The following C6orf52 variants were observed in gnomAD, a reference collection of about 807,000 sequenced individuals.
C6orf52 encodes putative uncharacterized protein C6orf52.
In C6orf52, 16 loss-of-function variants were observed where a neutral mutation model predicts 16.6. The observed-to-expected ratio is 0.96, with a 90% CI of 0.65 to 1.46. The LOEUF is 1.46. C6orf52 is among the 40% of genes most tolerant of loss of function. The pLI is 0.00. For synonymous variants in C6orf52, 53 were observed against 61.4 expected (o/e 0.86, Z 0.64); for missense variants, 166 against 182.3 (o/e 0.91, Z 0.52).
chr6:10,678,183 TAA>T (rs377733205), intron 4 of C6orf52, among the ~76,000 whole-genome samples: 12 of 101,598 alleles, frequency 1.2e-4, no homozygotes, highest in Middle Eastern at 5.3e-3. Context: ...GAGACTGTCT[TAA>T]AAAAAAAAAA....
rs957227456 is a variant in C6orf52, at chr6:10,682,700, A to T, written c.316+487T>A. On this transcript the variant is annotated intron_variant, in intron 4 of 4. Coordinates refer to ENST00000259983, the MANE Select transcript of C6orf52 (RefSeq NM_001145020.3). ...CATTTTTTCCCCTTCCTCAAATAAG[A>T]CACATTCAGAGTGTTTGTCTCTAGG... Among the ~76,000 whole-genome samples the T allele has an allele frequency of 5.3e-5, 8 of 152,196 alleles. No individual in the cohort carries two copies. In the South Asian group the frequency reaches 1.7e-3, roughly 31 times the overall value.
At chr6:10,692,773 C>G (rs1769455181) in intron 1 of C6orf52, among the ~76,000 whole-genome samples, 1 of 152,066 alleles carries the variant, frequency 6.6e-6, no homozygotes, top group African/African-American at 2.4e-5. Flanking sequence ...ATCCGCCTGC[C>G]TAGGCCTCGC....
chr6:10,677,522 G>A (rs1433300071), intron 4 of C6orf52, among the ~76,000 whole-genome samples: 3 of 149,796 alleles, frequency 2.0e-5, no homozygotes, highest in African/African-American at 7.4e-5. Context: ...ACAAATTATA[G>A]TATCATTTTT....
chr6:10,674,770 G>A (rs1323968289), intron 4 of C6orf52: 1 of 149,232 alleles, frequency 6.7e-6, no homozygotes, highest in Non-Finnish European at 1.5e-5. Context: ...GAATTAGCCT[G>A]TATTTCTTCA....
At chr6:10,691,986 C>G (rs1257208932) in intron 1 of C6orf52, among the ~76,000 whole-genome samples, 1 of 152,112 alleles carries the variant, frequency 6.6e-6, no homozygotes, top group Non-Finnish European at 1.5e-5. Flanking sequence ...GTAACAGATT[C>G]TAAATAATCA....
At chr6:10,687,705 A>T in intron 1 of C6orf52, 144 bp from the exon 2 acceptor site, 1 of 644,944 alleles carries the variant, frequency 1.6e-6, no homozygotes, top group East Asian at 2.8e-5. Context: ...CTAGGCAATT[A>T]ATTGCTTGAC....
chr6:10,681,296 T>C (rs375357290), intron 4 of C6orf52, among the ~76,000 whole-genome samples: 3 of 152,348 alleles, frequency 2.0e-5, no homozygotes, highest in South Asian at 4.1e-4. Flanking sequence ...ATTTCTGTGA[T>C]ATCAGTTGTA....
chr6:10,672,078 G>A (rs1156853882), intron 4 of C6orf52, among the ~76,000 whole-genome samples: 2 of 152,194 alleles, frequency 1.3e-5, no homozygotes, highest in Non-Finnish European at 2.9e-5. Flanking sequence ...AAGACAGGAG[G>A]ACTTGGCCTT....
chr6:10,671,693 CAGGA>C, intron 4 of C6orf52, 95 bp from the exon 5 acceptor site: 5 of 735,814 alleles, frequency 6.8e-6, no homozygotes, highest in Non-Finnish European at 1.1e-5. Flanking sequence ...AAAGCATTTG[CAGGA>C]AGTACTGCAG....
chr6:10,674,384 GTTCT>G (rs1488897084), intron 4 of C6orf52, among the ~76,000 whole-genome samples: 1 of 152,124 alleles, frequency 6.6e-6, no homozygotes, highest in African/African-American at 2.4e-5. Context: ...TCTTGAGTTG[GTTCT>G]TTAATTTGGC....
intron 1 of C6orf52, among the ~76,000 whole-genome samples, chr6:10,689,382 A>G (rs1769107116): frequency 6.6e-6 from 1 of 152,150 alleles, no homozygotes; most frequent in Admixed American, 6.5e-5. Flanking sequence ...GATGTACTGG[A>G]GTTTATAGAG....
At chr6:10,681,352 G>T (rs111548121) in intron 4 of C6orf52, among the ~76,000 whole-genome samples, 2 of 152,004 alleles carry the variant, frequency 1.3e-5, no homozygotes, top group Non-Finnish European at 2.9e-5. Flanking sequence ...GTTCTTAAAG[G>T]TTTGTTGACT....
At chr6:10,673,492 T>A (rs1378334296) in intron 4 of C6orf52, among the ~76,000 whole-genome samples, 1 of 152,114 alleles carries the variant, frequency 6.6e-6, no homozygotes, top group Non-Finnish European at 1.5e-5. Context: ...GATGTAAGGA[T>A]AAAATATACA....
chr6:10,680,324 T>C (rs1201286451), intron 4 of C6orf52, among the ~76,000 whole-genome samples: 2 of 152,220 alleles, frequency 1.3e-5, no homozygotes, highest in South Asian at 2.1e-4. Context: ...ATCATGTTTA[T>C]TAATTTGTGT....
intron 4 of C6orf52, among the ~76,000 whole-genome samples, chr6:10,676,816 C>T (rs1396033172): frequency 6.6e-6 from 1 of 152,198 alleles, no homozygotes; most frequent in Non-Finnish European, 1.5e-5. Context: ...CTTTCTTCTA[C>T]CTATTAAGCC....
chr6:10,683,832 C>A (rs556958620), intron 3 of C6orf52, among the ~76,000 whole-genome samples: 2 of 152,252 alleles, frequency 1.3e-5, no homozygotes, highest in African/African-American at 4.8e-5. Flanking sequence ...TAACCCAGAC[C>A]CTGTTGGCTC....
chr6:10,681,183 G>C (rs895622501), intron 4 of C6orf52, among the ~76,000 whole-genome samples: 2 of 152,010 alleles, frequency 1.3e-5, no homozygotes, highest in African/African-American at 4.8e-5. Flanking sequence ...ATTTAATCTT[G>C]GTAGGTGGTA....
chr6:10,686,107 T>G (rs1050172303), intron 3 of C6orf52, among the ~76,000 whole-genome samples: 2 of 152,168 alleles, frequency 1.3e-5, no homozygotes, highest in African/African-American at 4.8e-5. Flanking sequence ...CATGGCTCAT[T>G]GCAGCCTCAA....
intron 1 of C6orf52, among the ~76,000 whole-genome samples, chr6:10,688,808 T>G (rs1041754886): frequency 2.3e-4 from 35 of 151,968 alleles, no homozygotes; most frequent in Admixed American, 4.6e-4. Context: ...AGTTTTGGGG[T>G]TTTTTGTTTT....
Sources: gnomAD v4.1 joint callset for allele counts (sites outside exome capture counted in the v4.1 genomes callset) on GRCh38, gnomAD v4.1.1 for gene constraint, MANE v1.5 for transcripts, NCBI Gene and HGNC (gene_info 2026-07-23, HGNC 2026-07-21) for gene names.